CNTNAP2: variants seen among roughly 807,000 people sequenced by gnomAD.
CNTNAP2 encodes contactin associated protein 2.
Under a neutral mutation model 155.2 loss-of-function variants are expected in CNTNAP2, and 98 were observed. The ratio of observed to expected loss-of-function variants is 0.63; its 90% CI spans 0.54 to 0.75. The LOEUF (loss-of-function observed/expected upper bound fraction) is 0.75. Among genes scored for constraint, CNTNAP2 ranks in the 30% least tolerant of loss-of-function variants. The pLI is 0.00. For missense variants in CNTNAP2, 1,727 were observed against 1,688.1 expected (o/e 1.02, Z -0.40); for synonymous variants, 651 against 631.2 (o/e 1.03, Z -0.47).
At chr7:147,831,926 G>A (rs936427912) in intron 13 of CNTNAP2, 1 of 151,860 alleles carries the variant, frequency 6.6e-6, no homozygotes, top group Non-Finnish European at 1.5e-5. Flanking sequence ...AATTTTCCAT[G>A]ATGTGACTGT....
chr7:147,280,638 A>G (rs1236934330), intron 8 of CNTNAP2, among the ~76,000 whole-genome samples: 2 of 151,932 alleles, frequency 1.3e-5, no homozygotes, highest in African/African-American at 2.4e-5. Flanking sequence ...CTAATGTATT[A>G]CTTAATGAAG....
intron 21 of CNTNAP2, among the ~76,000 whole-genome samples, chr7:148,330,844 T>G (rs1797983896): frequency 7.9e-6 from 1 of 127,368 alleles, no homozygotes. Flanking sequence ...ACGGATAGAA[T>G]GGATGGATGG....
intron 10 of CNTNAP2, among the ~76,000 whole-genome samples, chr7:147,463,632 T>G (rs1301450220): frequency 1.3e-5 from 2 of 152,130 alleles, no homozygotes; most frequent in Non-Finnish European, 2.9e-5. Context: ...CCAACTCCAG[T>G]AACATAGATC....
chr7:146,130,386 C>T (rs1473856484), intron 1 of CNTNAP2, among the ~76,000 whole-genome samples: 3 of 152,138 alleles, frequency 2.0e-5, no homozygotes, highest in Non-Finnish European at 2.9e-5. Flanking sequence ...GGAAGGATTG[C>T]GTGAGCCCCG....
chr7:146,973,751 A>T (rs1797851713), intron 3 of CNTNAP2, among the ~76,000 whole-genome samples: 1 of 152,142 alleles, frequency 6.6e-6, no homozygotes, highest in African/African-American at 2.4e-5. Flanking sequence ...TGGTTAGTAA[A>T]TTTCCTGGTA....
At position 148,267,084 on chromosome 7, in the gene CNTNAP2, C is replaced by G. The variant is rs1284175785; in HGVS notation, c.3433C>G (p.Leu1145Val). The G allele has an allele frequency of 2.5e-6, 4 of 1,614,180 alleles. No homozygotes were observed. Among genetic ancestry groups the G allele is most frequent in the Non-Finnish European group, 3.4e-6 (4 of 1,180,032 alleles). The change falls in exon 21 of 24, where the codon CTC becomes GTC. Residue 1145 changes from leucine (L) to valine (V), a missense_variant. Leu to Val is a conservative substitution (Grantham distance 32, BLOSUM62 1). Coordinates refer to ENST00000361727, the MANE Select transcript of CNTNAP2 (RefSeq NM_014141.6). ...SYHLPSSSDT[L>V]FNSPKSLFLG... is the part of the protein sequence containing the mutation. ...CCATCTGCCAAGTTCATCCGACACC[C>G]TCTTCAATTCTCCCAAGTCGCTCTT... is the stretch of plus-strand genomic sequence containing the variant.
intron 8 of CNTNAP2, among the ~76,000 whole-genome samples, chr7:147,275,181 T>C (rs1402109549): frequency 6.6e-6 from 1 of 152,152 alleles, no homozygotes; most frequent in Non-Finnish European, 1.5e-5. Flanking sequence ...AATTTTTTTT[T>C]CTTATTGTGT....
intron 1 of CNTNAP2, among the ~76,000 whole-genome samples, chr7:146,255,604 C>T (rs1799824932): frequency 6.6e-6 from 1 of 152,096 alleles, no homozygotes; most frequent in Admixed American, 6.6e-5. Context: ...AGAAAGAAGG[C>T]ATCTAGGATA....
chr7:147,519,976 G>A (rs141462719), intron 11 of CNTNAP2, among the ~76,000 whole-genome samples: 314 of 152,338 alleles, frequency 2.1e-3, no homozygotes, highest in African/African-American at 6.7e-3. Flanking sequence ...AGTAGGACCA[G>A]TAGGTTAACA....
chr7:147,380,058 T>A (rs1426258492), intron 9 of CNTNAP2, among the ~76,000 whole-genome samples: 1 of 152,132 alleles, frequency 6.6e-6, no homozygotes, highest in Non-Finnish European at 1.5e-5. Context: ...TGCCTCGTCC[T>A]AGGAAATGTA....
intron 2 of CNTNAP2, among the ~76,000 whole-genome samples, chr7:146,836,583 A>G (rs1163657029): frequency 7.9e-5 from 12 of 152,188 alleles, no homozygotes; most frequent in Admixed American, 6.5e-4. Flanking sequence ...TTGTAGTTGC[A>G]TATCTGACTT....
chr7:147,341,207 A>G (rs755791963), intron 9 of CNTNAP2, among the ~76,000 whole-genome samples: 4 of 152,000 alleles, frequency 2.6e-5, no homozygotes, highest in Admixed American at 6.6e-5. Flanking sequence ...CAAACACTGC[A>G]TGTTCTCACT....
At chr7:148,139,733 G>T (rs1208326639) in intron 16 of CNTNAP2, among the ~76,000 whole-genome samples, 1 of 152,022 alleles carries the variant, frequency 6.6e-6, no homozygotes, top group African/African-American at 2.4e-5. Context: ...TAGAGATGGG[G>T]TTTCACTATG....
chr7:148,014,666 A>C (rs1802143536), intron 15 of CNTNAP2, among the ~76,000 whole-genome samples: 1 of 152,246 alleles, frequency 6.6e-6, no homozygotes, highest in African/African-American at 2.4e-5. Flanking sequence ...GTTGATATAA[A>C]GAGCTCGAAG....
chr7:147,567,899 A>G (rs892473326), intron 12 of CNTNAP2, among the ~76,000 whole-genome samples: 1 of 152,164 alleles, frequency 6.6e-6, no homozygotes, highest in Non-Finnish European at 1.5e-5. Context: ...CAGCCTGACC[A>G]ACATGGCGAA....
chr7:147,984,001 A>T (rs79426433), intron 15 of CNTNAP2, among the ~76,000 whole-genome samples: 2,700 of 152,340 alleles, frequency 0.018, 93 homozygotes, highest in African/African-American at 0.062. Flanking sequence ...AAAACTGCTT[A>T]GCAGGGTCAT....
chr7:147,283,181 C>T (rs1805084794), intron 8 of CNTNAP2, among the ~76,000 whole-genome samples: 1 of 151,828 alleles, frequency 6.6e-6, no homozygotes, highest in African/African-American at 2.4e-5. Flanking sequence ...TTAAAGATAA[C>T]AGTGACTCCA....
intron 13 of CNTNAP2, among the ~76,000 whole-genome samples, chr7:147,789,175 G>A (rs926435659): frequency 2.0e-5 from 3 of 152,180 alleles, no homozygotes; most frequent in Non-Finnish European, 4.4e-5. Context: ...CCAAAGTGCT[G>A]GGATTACAGG....
intron 22 of CNTNAP2, among the ~76,000 whole-genome samples, chr7:148,407,725 A>AAG (rs1799735766): frequency 6.9e-6 from 1 of 144,386 alleles, no homozygotes. Context: ...AAAAAAAAAA[A>AAG]GGATTGAGCC....
Sources: gnomAD v4.1 joint callset for allele counts (sites outside exome capture counted in the v4.1 genomes callset) on GRCh38, gnomAD v4.1.1 for gene constraint, MANE v1.5 for transcripts, NCBI Gene and HGNC (gene_info 2026-07-23, HGNC 2026-07-21) for gene names.